The following TOPAZ1 variants were observed in gnomAD, a reference collection of about 807,000 sequenced individuals.
TOPAZ1 encodes the protein protein TOPAZ1.
TOPAZ1 carries 66 observed loss-of-function variants against 172.2 expected under a neutral mutation model. The observed-to-expected ratio is 0.38, with a 90% confidence interval of 0.31 to 0.47. The LOEUF (loss-of-function observed/expected upper bound fraction) is 0.47, where lower values mean the gene tolerates loss of function less well. Among genes scored for constraint, TOPAZ1 ranks in the 20% least tolerant of loss-of-function variants. The pLI is 0.99. For missense variants in TOPAZ1, 1,822 were observed against 1,972.4 expected (o/e 0.92, Z 1.44); for synonymous variants, 681 against 683.9 (o/e 1.00, Z 0.07).
At chr3:44,335,832 C>G (rs191451375), downstream of TOPAZ1, among the ~76,000 whole-genome samples, 2 of 152,104 alleles carry the variant, frequency 1.3e-5, no homozygotes, top group South Asian at 2.1e-4. Flanking sequence ...CCTGAGTTCC[C>G]TTGAGGGCTT....
intron 2 of TOPAZ1, among the ~76,000 whole-genome samples, chr3:44,248,515 T>C (rs928086042): frequency 1.3e-5 from 2 of 152,216 alleles, no homozygotes; most frequent in African/African-American, 4.8e-5. Context: ...AGTTTTGTAG[T>C]CATCCACAGT....
chr3:44,243,116 A>G lies in TOPAZ1; in HGVS notation c.610A>G (p.Lys204Glu). ...GGTTGAATTCCAAGATGAACTGTAC[A>G]AGAATACTCCAAAATATTCTTGTAA... is the stretch of plus-strand genomic sequence containing the variant. ...IKVEFQDELY[K>E]NTPKYSCNIL... Residue 204 changes from lysine to glutamate, a missense_variant, in exon 2 of 20, where the codon AAG (lysine) becomes GAG (glutamate). By Grantham distance (56) the Lys-to-Glu change is moderately conservative. Coordinates refer to ENST00000309765, the MANE Select transcript of TOPAZ1 (RefSeq NM_001145030.2). 6.5e-7 allele frequency: 1 copy of G among 1,550,214 alleles called. No individual in the cohort carries two copies. Among genetic ancestry groups the G allele is most frequent in the Non-Finnish European group, 8.7e-7 (1 of 1,146,320 alleles).
At chr3:44,293,292 C>T (rs1284902434) in intron 12 of TOPAZ1, among the ~76,000 whole-genome samples, 2 of 152,104 alleles carry the variant, frequency 1.3e-5, no homozygotes, top group African/African-American at 4.8e-5. Flanking sequence ...GAGTGTACTC[C>T]TACTTATATT....
Position 44,244,693 on chromosome 3 carries a change from C to G in TOPAZ1, c.2187C>G (p.Asn729Lys), listed in dbSNP as rs1159481139. ...TATCTGGAGCAGACGTAAGACAGAA[C>G]AGGAGTAAAGAAAATGTCTCCATGA... ...DNLSGADVRQ[N>K]RSKENVSMMM... Residue 729 changes from asparagine (N) to lysine (K), a missense_variant, in exon 2 of 20, where the codon AAC becomes AAG. By Grantham distance (94) the Asn-to-Lys change is moderately conservative (BLOSUM62 0). This residue lies in a region of TOPAZ1 where 1,489 missense variants were observed against 1,490.8 expected (regional missense o/e 1.00). Transcript: ENST00000309765. The G allele has an allele frequency of 8.4e-6, 13 of 1,551,224 alleles. No individual in the cohort carries two copies. Among genetic ancestry groups the G allele is most frequent in the Non-Finnish European group, 1.0e-5 (12 of 1,146,946 alleles).
At chr3:44,335,752 G>T (rs948331555), downstream of TOPAZ1, among the ~76,000 whole-genome samples, 2 of 152,206 alleles carry the variant, frequency 1.3e-5, no homozygotes, top group Non-Finnish European at 2.9e-5. Flanking sequence ...TGAGGTCAGG[G>T]CTGAGATTAA....
intron 12 of TOPAZ1, among the ~76,000 whole-genome samples, chr3:44,293,930 T>C (rs1006294567): frequency 6.6e-6 from 1 of 152,120 alleles, no homozygotes; most frequent in Non-Finnish European, 1.5e-5. Context: ...TAAAATCACA[T>C]AAAGACACAT....
intron 4 of TOPAZ1, among the ~76,000 whole-genome samples, chr3:44,258,913 C>T (rs868323540): frequency 3.3e-5 from 5 of 152,188 alleles, no homozygotes; most frequent in Middle Eastern, 3.2e-3. Context: ...TACTCTCCTG[C>T]GGCTGGAGTC....
intron 3 of TOPAZ1, among the ~76,000 whole-genome samples, chr3:44,255,651 C>A (rs1384415739): frequency 3.6e-4 from 31 of 86,244 alleles, no homozygotes; most frequent in East Asian, 3.5e-3. Context: ...GACTCTGTCT[C>A]AAAAAAAAAA....
intron 2 of TOPAZ1, among the ~76,000 whole-genome samples, chr3:44,251,732 G>A (rs952924391): frequency 1.3e-5 from 2 of 152,014 alleles, no homozygotes; most frequent in African/African-American, 4.8e-5. Flanking sequence ...AATCTGTATG[G>A]CTCTTCAGAT....
intron 12 of TOPAZ1, among the ~76,000 whole-genome samples, chr3:44,301,723 A>C (rs1700274158): frequency 6.6e-6 from 1 of 151,912 alleles, no homozygotes; most frequent in Admixed American, 6.6e-5. Flanking sequence ...TGGTTCTTAA[A>C]CTTTTAGAGT....
At chr3:44,333,865 A>AG (rs1422498081), downstream of TOPAZ1, among the ~76,000 whole-genome samples, 4 of 152,244 alleles carry the variant, frequency 2.6e-5, no homozygotes, top group Non-Finnish European at 5.9e-5. Flanking sequence ...AGGATGCAGC[A>AG]GGGCGCTTCA....
At chr3:44,248,849 T>A (rs150210869) in intron 2 of TOPAZ1, among the ~76,000 whole-genome samples, 1 of 152,332 alleles carries the variant, frequency 6.6e-6, no homozygotes, top group Non-Finnish European at 1.5e-5. Flanking sequence ...TTGAGCTGAC[T>A]TAATCACTGG....
intron 9 of TOPAZ1, among the ~76,000 whole-genome samples, chr3:44,285,290 C>T (rs1700065678): frequency 6.6e-6 from 1 of 151,836 alleles, no homozygotes; most frequent in Non-Finnish European, 1.5e-5. Flanking sequence ...GGCGAAACCC[C>T]ATCTCTATAA....
At chr3:44,284,654 C>A (rs1486486813) in intron 9 of TOPAZ1, among the ~76,000 whole-genome samples, 2 of 152,140 alleles carry the variant, frequency 1.3e-5, no homozygotes, top group Admixed American at 1.3e-4. Flanking sequence ...ACTATAGGTC[C>A]TGTTTTATCT....
In TOPAZ1 at chr3:44,305,165, G is replaced by C; in HGVS notation, c.3883G>C (p.Asp1295His). Residue 1295 changes from aspartate to histidine, a missense_variant, in exon 14 of 20, where the codon GAC (aspartate) becomes CAC (histidine). Physicochemically the swap from Asp to His is moderately conservative, Grantham distance 81. This residue lies in a region of TOPAZ1 where 333 missense variants were observed against 481.7 expected (regional missense o/e 0.69). Transcript: ENST00000309765. ...TTGATAGCATTGTAAAGAAAAAGGTGACTGGACCAAATTGGGAAAATTATA... is the reference window on the plus strand; with the variant it reads ...TTGATAGCATTGTAAAGAAAAAGGTCACTGGACCAAATTGGGAAAATTATA... ...NKLEHCKEKGDWTKLGKLYIN... is the reference protein window; with the variant it reads ...NKLEHCKEKGHWTKLGKLYIN... 2 of 1,521,612 alleles carry C rather than the reference G, an allele frequency of 1.3e-6. No homozygotes were observed. The highest frequency in any genetic ancestry group is 1.8e-6 in the Non-Finnish European group (2 of 1,137,204). The allele number at this position is 1,521,612 out of a possible 1,614,324, so 94.3% of individuals were successfully genotyped here. A position where few individuals can be genotyped will look rare whatever the true frequency, so the allele number is the denominator to read the frequency against.
intron 8 of TOPAZ1, among the ~76,000 whole-genome samples, chr3:44,275,690 AT>A (rs1014122613): frequency 1.3e-5 from 2 of 151,370 alleles, no homozygotes; most frequent in African/African-American, 4.9e-5. Flanking sequence ...TAATTTACTA[AT>A]TTTTTTTTCT....
At chr3:44,252,971 G>A (rs192046753) in intron 2 of TOPAZ1, among the ~76,000 whole-genome samples, 2 of 152,304 alleles carry the variant, frequency 1.3e-5, no homozygotes, top group East Asian at 3.9e-4. Flanking sequence ...CCTGGTGAAA[G>A]TGGCATTTAA....
chr3:44,298,929 T>TTTTTTTTTTTTTTTTG (rs1559541961), intron 12 of TOPAZ1, among the ~76,000 whole-genome samples: 1 of 52,548 alleles, frequency 1.9e-5, no homozygotes, highest in African/African-American at 6.5e-5. Context: ...TTTTTTTTTT[T>TTTTTTTTTTTTTTTTG]TTTTTCCCCC....
Position 44,242,174 on chromosome 3 carries a change from G to C in TOPAZ1, c.121G>C (p.Gly41Arg), listed in dbSNP as rs563846176. The C allele has an allele frequency of 6.5e-7, 1 of 1,544,170 alleles. No individual in the cohort carries two copies. Among genetic ancestry groups the C allele is most frequent in the Non-Finnish European group, 8.7e-7 (1 of 1,144,956 alleles). The change falls in exon 1 of 20, where the codon GGG (glycine) becomes CGG (arginine). Residue 41 changes from glycine (G) to arginine (R), a missense_variant. Gly to Arg is a moderately radical substitution (Grantham distance 125). Coordinates refer to ENST00000309765, the MANE Select transcript of TOPAZ1 (RefSeq NM_001145030.2). ...GAAGGCGPEA[G>R]GCRENKQKRR... ...GGCGGGAGGCTGTGGCCCTGAGGCC[G>C]GGGGGTGCCGGGAAAATAAGCAAAA...
Sources: gnomAD v4.1 joint callset for allele counts (sites outside exome capture counted in the v4.1 genomes callset) on GRCh38, gnomAD v4.1.1 for gene constraint, gnomAD v4.1.1 regional missense constraint, MANE v1.5 for transcripts, NCBI Gene and HGNC (gene_info 2026-07-23, HGNC 2026-07-21) for gene names.